RGS5: variants seen among roughly 807,000 people sequenced by gnomAD.
RGS5 encodes regulator of G protein signaling 5, also known as regulator of G-protein signalling 5.
RGS5 carries 20 observed loss-of-function variants against 18.9 expected under a neutral mutation model. That is an observed-to-expected ratio of 1.06 (90% CI 0.74 to 1.54). The LOEUF (loss-of-function observed/expected upper bound fraction) is 1.54. Ranked by LOEUF, RGS5 falls within the 40% of genes most tolerant of loss-of-function variation. RGS5 has a pLI of 0.00. For missense variants in RGS5, 201 were observed against 211.8 expected (o/e 0.95, Z 0.32); for synonymous variants, 57 against 76.2 (o/e 0.75, Z 1.31).
At chr1:163,197,404 T>C (rs1451744586) in intron 1 of RGS5, among the ~76,000 whole-genome samples, 2 of 152,096 alleles carry the variant, frequency 1.3e-5, no homozygotes, top group Non-Finnish European at 2.9e-5. Context: ...CACTAAAAGC[T>C]CTAGGGGCCC....
intron 1 of RGS5, chr1:163,211,109 G>A (rs933694162): frequency 2.6e-5 from 4 of 152,186 alleles, no homozygotes; most frequent in African/African-American, 9.6e-5. Context: ...ATACCCTGAA[G>A]ATCATGATGT....
chr1:163,282,413 A>G (rs973737754), intron 2 of RGS5, among the ~76,000 whole-genome samples: 1 of 152,156 alleles, frequency 6.6e-6, no homozygotes, highest in South Asian at 2.1e-4. Context: ...AACTATCATC[A>G]AAAAACAAAA....
intron 2 of RGS5, among the ~76,000 whole-genome samples, chr1:163,267,706 G>A (rs1648604714): frequency 6.6e-6 from 1 of 152,220 alleles, no homozygotes; most frequent in East Asian, 1.9e-4. Flanking sequence ...AGTTTTATAA[G>A]GGTTAGAGAG....
chr1:163,283,570 G>GT (rs1649055672), intron 2 of RGS5, among the ~76,000 whole-genome samples: 1 of 152,126 alleles, frequency 6.6e-6, no homozygotes, highest in Non-Finnish European at 1.5e-5. Flanking sequence ...CTCCGTGAGT[G>GT]TATGTAGAAT....
chr1:163,240,786 A>C (rs955959229), intron 2 of RGS5, among the ~76,000 whole-genome samples: 1 of 152,164 alleles, frequency 6.6e-6, no homozygotes, highest in Non-Finnish European at 1.5e-5. Context: ...CAAAGTGCTG[A>C]GGTTACAGGT....
Position 163,147,369 on chromosome 1 carries a change from A to T in RGS5, c.519T>A (p.Ser173=). 1.2e-6 allele frequency: 2 copies of T among 1,606,616 alleles called. No homozygotes were observed. The highest frequency in any genetic ancestry group is 1.7e-6 in the Non-Finnish European group (2 of 1,177,334). Residue 173 remains serine, a synonymous_variant, in exon 5 of 5, where the codon TCT becomes TCA. Transcript: ENST00000313961. Reference sequence around the variant, plus strand: ...ACTTGATTAACTCCTGATAAAACTCAGAGCGCACAAAGCGAGGCAGAGAAT... The same window carrying T: ...ACTTGATTAACTCCTGATAAAACTCTGAGCGCACAAAGCGAGGCAGAGAAT... ...EKDSLPRFVR[S]EFYQELIK is the part of the protein sequence containing the mutation.
chr1:163,201,525 T>C (rs1252053595), intron 1 of RGS5, among the ~76,000 whole-genome samples: 1 of 152,110 alleles, frequency 6.6e-6, no homozygotes, highest in Non-Finnish European at 1.5e-5. Context: ...TAATTATCAA[T>C]ATGTAAGTAT....
upstream of RGS5, among the ~76,000 whole-genome samples, chr1:163,222,511 G>A (rs1647249691): frequency 6.6e-6 from 1 of 152,126 alleles, no homozygotes; most frequent in Non-Finnish European, 1.5e-5. Flanking sequence ...GACCAAAGTG[G>A]TGATTGGATT....
chr1:163,224,079 T>C (rs1647283285), intron 2 of RGS5, among the ~76,000 whole-genome samples: 1 of 152,162 alleles, frequency 6.6e-6, no homozygotes, highest in African/African-American at 2.4e-5. Context: ...TCAAAATCCT[T>C]TCTTCTAGCT....
At chr1:163,244,897 G>A (rs1006916537) in intron 2 of RGS5, 2 of 152,130 alleles carry the variant, frequency 1.3e-5, no homozygotes, top group Non-Finnish European at 2.9e-5. Context: ...GAAAGGCCTG[G>A]TTTCATCTAG....
intron 2 of RGS5, among the ~76,000 whole-genome samples, chr1:163,232,779 C>T (rs910697481): frequency 1.3e-5 from 2 of 152,072 alleles, no homozygotes; most frequent in Non-Finnish European, 2.9e-5. Flanking sequence ...GAGAATTCTA[C>T]AAGGAATTTG....
chr1:163,321,485 A>C (rs930428090), intron 1 of RGS5: 14 of 152,164 alleles, frequency 9.2e-5, no homozygotes, highest in African/African-American at 2.9e-4. Flanking sequence ...ACCTGAGGGG[A>C]TGATAGTATC....
At chr1:163,219,473 C>A (rs552724546), upstream of RGS5, among the ~76,000 whole-genome samples, 1 of 152,090 alleles carries the variant, frequency 6.6e-6, no homozygotes, top group Non-Finnish European at 1.5e-5. Flanking sequence ...GATCTGGGGA[C>A]TCCTGAGGTT....
chr1:163,319,894 T>C (rs1302527450), intron 1 of RGS5, among the ~76,000 whole-genome samples: 1 of 152,198 alleles, frequency 6.6e-6, no homozygotes, highest in Non-Finnish European at 1.5e-5. Context: ...ATTCTGATGT[T>C]CCACCTTCTA....
At chr1:163,183,992 T>C (rs1034028130) in intron 1 of RGS5, among the ~76,000 whole-genome samples, 12 of 152,316 alleles carry the variant, frequency 7.9e-5, no homozygotes, top group South Asian at 6.2e-4. Context: ...TCAGCATTCT[T>C]AGATGATTCC....
chr1:163,204,218 A>G (rs1031595932), upstream of RGS5, among the ~76,000 whole-genome samples: 1 of 152,136 alleles, frequency 6.6e-6, no homozygotes, highest in Middle Eastern at 3.2e-3. Flanking sequence ...GACTTTAATT[A>G]TCAATATGTA....
chr1:163,284,566 T>C (rs1036315157), intron 2 of RGS5, among the ~76,000 whole-genome samples: 3 of 152,162 alleles, frequency 2.0e-5, no homozygotes, highest in African/African-American at 7.2e-5. Context: ...CTCAGACCCT[T>C]TATGGACTGC....
intron 1 of RGS5, among the ~76,000 whole-genome samples, chr1:163,169,245 C>G (rs1658195655): frequency 6.6e-6 from 1 of 152,134 alleles, no homozygotes; most frequent in Non-Finnish European, 1.5e-5. Flanking sequence ...GCCACATTTT[C>G]TTAATCCAGT....
At chr1:163,216,634 A>G (rs552263979) in intron 1 of RGS5, among the ~76,000 whole-genome samples, 1 of 152,302 alleles carries the variant, frequency 6.6e-6, no homozygotes, top group African/African-American at 2.4e-5. Context: ...TTGCAATCAC[A>G]AAAACTGTGC....
Sources: allele counts gnomAD v4.1 joint callset (sites outside exome capture counted in the v4.1 genomes callset), GRCh38; gene constraint gnomAD v4.1.1; transcripts MANE v1.5; gene names NCBI Gene and HGNC (gene_info 2026-07-23, HGNC 2026-07-21).